Variants in DRC11 observed in about 807,000 individuals in gnomAD.
DRC11 encodes the protein dynein regulatory complex subunit 11, also known as IQ and AAA domain-containing protein 1.
chr2:236,442,896 A>AC, the DRC11 span, among the ~76,000 whole-genome samples: 1 of 152,182 alleles, frequency 6.6e-6, no homozygotes, highest in Admixed American at 6.5e-5. Flanking sequence ...TTTTGAGGAA[A>AC]AGTCTCCCCA....
the DRC11 span, chr2:236,503,811 C>A: frequency 1.0e-6 from 1 of 988,908 alleles, no homozygotes; most frequent in Admixed American, 2.0e-5. The surrounding 1 kb of genome is among the most constrained non-coding windows in gnomAD (Gnocchi z 4.9). Flanking sequence ...GCCTGGGGAG[C>A]CCCCACTTTG....
the DRC11 span, among the ~76,000 whole-genome samples, chr2:236,439,877 C>A: frequency 6.6e-6 from 1 of 152,028 alleles, no homozygotes; most frequent in Non-Finnish European, 1.5e-5. Context: ...AGACTATGTT[C>A]TCATGGCTGT....
chr2:236,358,873 C>G, the DRC11 span, among the ~76,000 whole-genome samples: 581 of 149,610 alleles, frequency 3.9e-3, 3 homozygotes, highest in South Asian at 8.0e-3. Flanking sequence ...GGGGAAGCAT[C>G]GGCTCCGCAT....
At chr2:236,370,043 G>C in the DRC11 span, among the ~76,000 whole-genome samples, 1 of 152,294 alleles carries the variant, frequency 6.6e-6, no homozygotes, top group East Asian at 1.9e-4. This position sits in a 1 kb window ranked among gnomAD's most constrained non-coding sequence, Gnocchi z 5.5. Context: ...TTGGAAATAG[G>C]GTTGTCGCAG....
chr2:236,493,137 C>T, the DRC11 span, among the ~76,000 whole-genome samples: 1,341 of 152,182 alleles, frequency 8.8e-3, 9 homozygotes, highest in East Asian at 0.021. Flanking sequence ...TCTCATATGG[C>T]GGCAGACAAG....
the DRC11 span, among the ~76,000 whole-genome samples, chr2:236,362,392 A>G: frequency 1.3e-5 from 2 of 152,116 alleles, no homozygotes; most frequent in African/African-American, 4.8e-5. This position sits in a 1 kb window ranked among gnomAD's most constrained non-coding sequence, Gnocchi z 5.7. Flanking sequence ...AGCCTCCTCA[A>G]TGTGAAGAAG....
the DRC11 span, among the ~76,000 whole-genome samples, chr2:236,428,079 T>C: frequency 1.3e-5 from 2 of 152,196 alleles, no homozygotes; most frequent in South Asian, 2.1e-4. Flanking sequence ...TTTCACACCA[T>C]TGCAGTCTGA....
chr2:236,374,217 G>A, the DRC11 span, among the ~76,000 whole-genome samples: 1 of 152,066 alleles, frequency 6.6e-6, no homozygotes, highest in Admixed American at 6.6e-5. Flanking sequence ...TGTTGCCTGG[G>A]GGGTTTTGGT....
At chr2:236,342,083 C>A in the DRC11 span, among the ~76,000 whole-genome samples, 3 of 152,072 alleles carry the variant, frequency 2.0e-5, no homozygotes, top group Non-Finnish European at 4.4e-5. This position sits in a 1 kb window ranked among gnomAD's most constrained non-coding sequence, Gnocchi z 5.8. Context: ...CCTCTTATTG[C>A]GGGAGGGGCC....
the DRC11 span, among the ~76,000 whole-genome samples, chr2:236,371,297 T>G: frequency 1.3e-5 from 2 of 152,154 alleles, no homozygotes; most frequent in African/African-American, 4.8e-5. The surrounding 1 kb of genome is among the most constrained non-coding windows in gnomAD (Gnocchi z 5.1). Context: ...ATGCCTCTGT[T>G]GTCAAGGTGT....
the DRC11 span, chr2:236,503,693 C>G: frequency 6.4e-7 from 1 of 1,550,882 alleles, no homozygotes. The surrounding 1 kb of genome is among the most constrained non-coding windows in gnomAD (Gnocchi z 4.9). Context: ...TCCCTCGAGA[C>G]TGTCTCTGGC....
chr2:236,464,797 T>C, the DRC11 span, among the ~76,000 whole-genome samples: 2 of 151,848 alleles, frequency 1.3e-5, no homozygotes, highest in Non-Finnish European at 2.9e-5. Context: ...TCTTGCAAGA[T>C]CTGGTTGTTT....
the DRC11 span, among the ~76,000 whole-genome samples, chr2:236,438,900 C>G: frequency 1.3e-5 from 2 of 151,114 alleles, no homozygotes; most frequent in African/African-American, 4.9e-5. Flanking sequence ...AACTAGAACT[C>G]AGGATTAAGA....
chr2:236,420,074 C>T, the DRC11 span, among the ~76,000 whole-genome samples: 1 of 152,178 alleles, frequency 6.6e-6, no homozygotes, highest in African/African-American at 2.4e-5. This position sits in a 1 kb window ranked among gnomAD's most constrained non-coding sequence, Gnocchi z 4.8. Context: ...AAAAGGGAGC[C>T]AGCATCTCCG....
the DRC11 span, among the ~76,000 whole-genome samples, chr2:236,459,520 TGTATACATGTATACGTATACGTATAC>T: frequency 0.025 from 2,889 of 113,920 alleles, 95 homozygotes; most frequent in East Asian, 0.11. Flanking sequence ...TACGTATACA[TGTATACATGTATACGTATACGTATAC>T]GTATACATGT....
At chr2:236,467,756 A>G in the DRC11 span, among the ~76,000 whole-genome samples, 1 of 152,370 alleles carries the variant, frequency 6.6e-6, no homozygotes, top group Non-Finnish European at 1.5e-5. Context: ...CTGTTTAGAA[A>G]AGACATTAGC....
chr2:236,465,981 T>A, the DRC11 span, among the ~76,000 whole-genome samples: 1 of 152,162 alleles, frequency 6.6e-6, no homozygotes, highest in Non-Finnish European at 1.5e-5. The surrounding 1 kb of genome is among the most constrained non-coding windows in gnomAD (Gnocchi z 6.2). Context: ...AACATAGATC[T>A]GGATTAAAAA....
the DRC11 span, among the ~76,000 whole-genome samples, chr2:236,491,083 GAATA>G: frequency 3.7e-5 from 4 of 108,480 alleles, no homozygotes; most frequent in East Asian, 2.4e-4. Context: ...ACCCCAAGAA[GAATA>G]TATACTCTGT....
chr2:236,410,790 T>C, the DRC11 span, among the ~76,000 whole-genome samples: 1 of 148,806 alleles, frequency 6.7e-6, no homozygotes, highest in African/African-American at 2.5e-5. Flanking sequence ...AAACAAGCAA[T>C]GGGGAAAGGA....
Sources: gnomAD v4.1 joint callset for allele counts (sites outside exome capture counted in the v4.1 genomes callset) on GRCh38, gnomAD v4.1.1 for gene constraint, Gnocchi (gnomAD v3.1) non-coding constraint, MANE v1.5 for transcripts, NCBI Gene and HGNC (gene_info 2026-07-23, HGNC 2026-07-21) for gene names.